ABCB7: variants seen among roughly 807,000 people sequenced by gnomAD.
The protein encoded by ABCB7 is ATP binding cassette subfamily B member 7.
Under a neutral mutation model 54.4 loss-of-function variants are expected in ABCB7, and 7 were observed. That is an observed-to-expected ratio of 0.13 (90% CI 0.07 to 0.24). The LOEUF (loss-of-function observed/expected upper bound fraction) is 0.24. Among genes scored for constraint, ABCB7 ranks in the 10% least tolerant of loss-of-function variants. The probability of loss-of-function intolerance (pLI) is 1.00; values close to 1 mark genes in which losing one functional copy is unlikely to be tolerated. For missense variants in ABCB7, 356 were observed against 570.4 expected, an observed-to-expected ratio of 0.62 and a Z score of 3.83; for synonymous variants, 218 against 207.1, an observed-to-expected ratio of 1.05 and a Z score of -0.45.
rs372965018 is a variant in ABCB7, at chrX:75,156,232, G to C, written c.41C>G (p.Ala14Gly). 2.5e-6 allele frequency: 3 copies of C among 1,203,999 alleles called. No individual in the cohort carries two copies. In the African/African-American group the frequency reaches 5.2e-5, roughly 21 times the overall value. Residue 14 changes from alanine (A) to glycine (G), a missense_variant, in exon 1 of 16, where the codon GCG becomes GGG. By Grantham distance (60) the Ala-to-Gly change is moderately conservative (BLOSUM62 0). Around this residue, in one of 2 missense-constraint regions of ABCB7, gnomAD observed 115 missense variants for 99.5 expected, o/e 1.16. Transcript: ENST00000373394. Reference protein sequence around the residue: ...LAMHSWRWAAAAAAFEKRRHS... With the variant: ...LAMHSWRWAAGAAAFEKRRHS... ...CCGGCGCTTTTCGAAAGCAGCCGCC[G>C]CGGCCGCCCAGCGCCAAGAATGCAT...
rs2081208444 is a variant in ABCB7 at position 75,053,171 on chromosome X, G to T, written c.*199C>A. 3.5e-6 allele frequency: 2 copies of T among 567,873 alleles called. No homozygotes were observed. Among genetic ancestry groups the T allele is most frequent in the East Asian group, 3.7e-5 (1 of 26,973 alleles). The allele number at this position is 567,873 out of a possible 1,213,427, so 46.8% of individuals were successfully genotyped here. ...TTGAGCACAACCAGGACAGTGACAAGAAAATAATTTGGGGATAAATACAGA... is the reference window on the plus strand; with the variant it reads ...TTGAGCACAACCAGGACAGTGACAATAAAATAATTTGGGGATAAATACAGA... On this transcript the variant is annotated 3_prime_UTR_variant, in exon 16 of 16. Transcript: ENST00000373394.
chrX:75,145,168 T>G (rs2082082592), intron 1 of ABCB7, among the ~76,000 whole-genome samples: 1 of 111,182 alleles, frequency 9.0e-6, no homozygotes, highest in African/African-American at 3.3e-5. Context: ...TACAAAGAGC[T>G]GGTACCATTC....
At chrX:75,068,976 C>T in intron 12 of ABCB7, 31 bp downstream of exon 12, 1 of 1,202,606 alleles carries the variant, frequency 8.3e-7, no homozygotes, top group Non-Finnish European at 1.1e-6. Context: ...ATAAATCCTC[C>T]AAAAATTTGT....
At chrX:75,122,248 G>A (rs1270595025) in intron 1 of ABCB7, among the ~76,000 whole-genome samples, 2 of 111,875 alleles carry the variant, frequency 1.8e-5, no homozygotes, top group South Asian at 3.7e-4. Context: ...CCAATATGGC[G>A]ACAAGAGTAA....
At chrX:75,096,865 G>C (rs2081596170) in intron 4 of ABCB7, among the ~76,000 whole-genome samples, 1 of 108,753 alleles carries the variant, frequency 9.2e-6, no homozygotes, top group African/African-American at 3.4e-5. Context: ...AGTATCTCTT[G>C]TATTTTCCTC....
chrX:75,098,830 C>T (rs2081614583), intron 4 of ABCB7, 112 bp downstream of exon 4: 1 of 929,230 alleles, frequency 1.1e-6, no homozygotes, highest in Non-Finnish European at 1.5e-6. Flanking sequence ...AAATGAGGGT[C>T]CTAAAAGTTG....
chrX:75,079,274 TA>T (rs1193027094), intron 4 of ABCB7, among the ~76,000 whole-genome samples: 3 of 111,661 alleles, frequency 2.7e-5, no homozygotes, highest in Middle Eastern at 4.7e-3. Context: ...AAAATTATTT[TA>T]AAAAGGTAAG....
At chrX:75,151,317 T>C (rs908710068) in intron 1 of ABCB7, among the ~76,000 whole-genome samples, 3 of 111,311 alleles carry the variant, frequency 2.7e-5, no homozygotes, top group Non-Finnish European at 5.7e-5. Context: ...ATACAGCCCA[T>C]GTAAGGTATA....
intron 4 of ABCB7, among the ~76,000 whole-genome samples, chrX:75,083,900 C>A (rs1041469004): frequency 5.4e-5 from 6 of 110,824 alleles, no homozygotes; most frequent in African/African-American, 2.0e-4. Context: ...TTTTACATAG[C>A]AAAATGAACT....
chrX:75,120,549 C>G (rs750751610), intron 1 of ABCB7, among the ~76,000 whole-genome samples: 2 of 110,585 alleles, frequency 1.8e-5, no homozygotes, highest in East Asian at 5.7e-4. Flanking sequence ...GTGGAGGTTG[C>G]CAAGATCATG....
Position 75,051,768 on chromosome X carries a change from A to G in ABCB7, c.*1602T>C, listed in dbSNP as rs1467464969. ...GATCATCTAAAGAGTATAATATGTA[A>G]TACTCTATTTACCTAAATGTTAATA... On this transcript the variant is annotated 3_prime_UTR_variant, in exon 16 of 16. Transcript: ENST00000373394. 2 of 112,535 alleles carry G rather than the reference A, an allele frequency of 1.8e-5. No homozygotes were observed. Among genetic ancestry groups the G allele is most frequent in the Non-Finnish European group, 3.8e-5 (2 of 53,296 alleles). The allele number at this position is 112,535 out of a possible 1,213,427, so 9.3% of individuals were successfully genotyped here.
chrX:75,138,388 T>C (rs1463436165), intron 1 of ABCB7, among the ~76,000 whole-genome samples: 3 of 112,418 alleles, frequency 2.7e-5, no homozygotes, highest in Non-Finnish European at 5.6e-5. Context: ...CTGGCAACTG[T>C]ATTGTTCAAT....
At chrX:75,115,654 G>A (rs1016808778) in intron 1 of ABCB7, among the ~76,000 whole-genome samples, 3 of 108,280 alleles carry the variant, frequency 2.8e-5, no homozygotes, top group Non-Finnish European at 5.7e-5. Context: ...GTAACCAGAT[G>A]ACGGACTCTG....
chrX:75,098,119 G>A (rs187807740), intron 4 of ABCB7, among the ~76,000 whole-genome samples: 3 of 110,978 alleles, frequency 2.7e-5, no homozygotes, highest in Non-Finnish European at 5.7e-5. Context: ...GACCAGCCTG[G>A]TCAACATGGT....
chrX:75,094,595 C>A (rs968275801), intron 4 of ABCB7, among the ~76,000 whole-genome samples: 2 of 110,909 alleles, frequency 1.8e-5, no homozygotes, highest in African/African-American at 6.6e-5. Context: ...CACCTGTAAT[C>A]CCAGCTACTC....
chrX:75,133,055 C>T lies in ABCB7; in HGVS notation c.169-18224G>A, dbSNP rs779208266. Among the ~76,000 whole-genome samples, 4 of 111,934 alleles carry T rather than the reference C, an allele frequency of 3.6e-5. No homozygotes were observed. In the East Asian group the frequency reaches 8.4e-4, roughly 24 times the overall value. Reference sequence around the variant, plus strand: ...TGAAGATCACCTAGATTCAGGAAAACGTTGAAACCCATTCTGAGGAATCCC... The same window carrying T: ...TGAAGATCACCTAGATTCAGGAAAATGTTGAAACCCATTCTGAGGAATCCC... On this transcript the variant is annotated intron_variant, in intron 1 of 15. Coordinates refer to ENST00000373394, the MANE Select transcript of ABCB7 (RefSeq NM_001271696.3).
chrX:75,060,164 G>T (rs2081271566), intron 15 of ABCB7, 59 bp downstream of exon 15: 1 of 926,133 alleles, frequency 1.1e-6, no homozygotes, highest in Non-Finnish European at 1.6e-6. Flanking sequence ...TAAGCTTCTT[G>T]TATCTATAAC....
intron 4 of ABCB7, among the ~76,000 whole-genome samples, chrX:75,095,518 G>A (rs1460282820): frequency 1.8e-5 from 2 of 112,654 alleles, no homozygotes; most frequent in African/African-American, 3.2e-5. Flanking sequence ...CGGACACTCC[G>A]CAAAGCTGTG....
intron 4 of ABCB7, among the ~76,000 whole-genome samples, chrX:75,077,970 G>A (rs1238298230): frequency 2.9e-5 from 3 of 104,830 alleles, no homozygotes; most frequent in Non-Finnish European, 5.9e-5. Flanking sequence ...CTGGAGTGCA[G>A]TGGGGAAATC....
Sources: gnomAD v4.1 joint callset for allele counts (sites outside exome capture counted in the v4.1 genomes callset) on GRCh38, gnomAD v4.1.1 for gene constraint, gnomAD v4.1.1 regional missense constraint, MANE v1.5 for transcripts, NCBI Gene and HGNC (gene_info 2026-07-23, HGNC 2026-07-21) for gene names.